The following C12orf42 variants were observed in gnomAD, a reference collection of about 807,000 sequenced individuals.
C12orf42 encodes the protein uncharacterized protein C12orf42.
A neutral mutation model predicts 21.6 loss-of-function variants in C12orf42; 25 were observed. The observed-to-expected ratio is 1.16, with a 90% confidence interval of 0.84 to 1.62. C12orf42 has a LOEUF of 1.62. C12orf42 is among the 40% of genes most tolerant of loss of function. The probability of loss-of-function intolerance (pLI) is 0.00; values close to 1 mark genes in which losing one functional copy is unlikely to be tolerated. For missense variants in C12orf42, 483 were observed against 459.3 expected (o/e 1.05, Z -0.47); for synonymous variants, 174 against 175.0 (o/e 0.99, Z 0.05).
chr12:103,145,966 G>C, the C12orf42 span, among the ~76,000 whole-genome samples: 2,029 of 151,998 alleles, frequency 0.013, 58 homozygotes, highest in African/African-American at 0.046. Flanking sequence ...GAGAGAGAGA[G>C]AGAAAGAGAG....
chr12:103,437,423 A>G (rs1231104683), intron 2 of C12orf42, among the ~76,000 whole-genome samples: 1 of 151,792 alleles, frequency 6.6e-6, no homozygotes, highest in Non-Finnish European at 1.5e-5. Flanking sequence ...ACTGAAGGAA[A>G]TAGAGACACA....
rs572732375 is a variant in C12orf42 at position 103,340,186 on chromosome 12, C to T, written c.259+28701G>A. On this transcript the variant is annotated intron_variant, in intron 4 of 5. Transcript: ENST00000548883. The stretch of plus-strand genomic sequence containing the variant: ...TTGGTGAAAAATACTAAGAGAAGAG[C>T]GCTAAAGAGAGTGAGTTCTCCAGGA... Among the ~76,000 whole-genome samples the T allele has an allele frequency of 7.9e-5, 12 of 152,256 alleles. No individual in the cohort carries two copies. In the South Asian group the frequency reaches 1.5e-3, roughly 18 times the overall value.
chr12:103,448,065 C>G (rs1951691010), intron 2 of C12orf42, among the ~76,000 whole-genome samples: 1 of 151,940 alleles, frequency 6.6e-6, no homozygotes, highest in South Asian at 2.1e-4. Flanking sequence ...CCACAGTCAC[C>G]AAAACAGCAT....
chr12:103,459,139 G>A (rs1473901319), intron 2 of C12orf42, among the ~76,000 whole-genome samples: 1 of 152,052 alleles, frequency 6.6e-6, no homozygotes, highest in Non-Finnish European at 1.5e-5. Flanking sequence ...CCATAAGAGG[G>A]ATCCCGTATT....
At chr12:103,300,367 T>G (rs1221562852), downstream of C12orf42, among the ~76,000 whole-genome samples, 7 of 152,194 alleles carry the variant, frequency 4.6e-5, no homozygotes, top group African/African-American at 1.7e-4. Flanking sequence ...ATCTATGGAC[T>G]CTCCATCTCA....
At chr12:103,548,054 A>C in the C12orf42 span, 73 of 152,204 alleles carry the variant, frequency 4.8e-4, no homozygotes, top group African/African-American at 1.7e-3. Flanking sequence ...AAATATGATG[A>C]AAAAAATAAG....
At chr12:103,238,921 C>T (rs1318588900) in intron 10 of C12orf42, among the ~76,000 whole-genome samples, 2 of 152,136 alleles carry the variant, frequency 1.3e-5, no homozygotes, top group Non-Finnish European at 2.9e-5. Flanking sequence ...AAGGGATTGA[C>T]CCTGGTACTG....
At chr12:103,108,153 A>G in the C12orf42 span, among the ~76,000 whole-genome samples, 1 of 151,464 alleles carries the variant, frequency 6.6e-6, no homozygotes, top group Non-Finnish European at 1.5e-5. Flanking sequence ...AAAGGAAAAA[A>G]TAAATAAATT....
At chr12:103,420,595 T>G (rs2049799098) in intron 2 of C12orf42, among the ~76,000 whole-genome samples, 1 of 152,142 alleles carries the variant, frequency 6.6e-6, no homozygotes, top group Non-Finnish European at 1.5e-5. Context: ...AATGTCACGA[T>G]CTCTGCTCAC....
intron 4 of C12orf42, among the ~76,000 whole-genome samples, chr12:103,351,485 A>AT (rs2043096340): frequency 6.6e-6 from 1 of 152,010 alleles, no homozygotes; most frequent in African/African-American, 2.4e-5. Context: ...TTTGGCTGAA[A>AT]TTTTTCTTTT....
chr12:103,227,954 T>G, the C12orf42 span, among the ~76,000 whole-genome samples: 1 of 152,122 alleles, frequency 6.6e-6, no homozygotes, highest in Non-Finnish European at 1.5e-5. Context: ...AAGAGGCCAC[T>G]TGCCTGATTT....
chr12:103,153,122 C>T, the C12orf42 span, among the ~76,000 whole-genome samples: 1 of 152,096 alleles, frequency 6.6e-6, no homozygotes, highest in Non-Finnish European at 1.5e-5. Flanking sequence ...AATAGCATTA[C>T]AGAAAAACAA....
At chr12:103,516,232 A>T in the C12orf42 span, among the ~76,000 whole-genome samples, 1 of 152,210 alleles carries the variant, frequency 6.6e-6, no homozygotes, top group Non-Finnish European at 1.5e-5. Context: ...TTTTTATCTT[A>T]ATTTAAAATG....
chr12:103,263,739 C>A (rs1423720349), downstream of C12orf42, among the ~76,000 whole-genome samples: 1 of 152,196 alleles, frequency 6.6e-6, no homozygotes, highest in Non-Finnish European at 1.5e-5. Flanking sequence ...TCTGGACTCT[C>A]ATATGTAACT....
At chr12:103,255,981 A>T (rs1214849598) in intron 10 of C12orf42, among the ~76,000 whole-genome samples, 4 of 135,446 alleles carry the variant, frequency 3.0e-5, no homozygotes, top group Non-Finnish European at 6.2e-5. Context: ...TGAACCCGGG[A>T]GGTGGAGCTT....
chr12:103,537,953 G>T, the C12orf42 span, among the ~76,000 whole-genome samples: 79 of 152,278 alleles, frequency 5.2e-4, no homozygotes, highest in African/African-American at 1.8e-3. Flanking sequence ...TTTGTAAAAA[G>T]AAAATTATGC....
At chr12:103,252,744 C>T (rs2034372433) in intron 10 of C12orf42, among the ~76,000 whole-genome samples, 1 of 151,824 alleles carries the variant, frequency 6.6e-6, no homozygotes, top group African/African-American at 2.4e-5. Context: ...TTCTACCCAA[C>T]AGGTAGGTTG....
intron 5 of C12orf42, among the ~76,000 whole-genome samples, chr12:103,302,823 TC>T (rs2037864033): frequency 6.6e-6 from 1 of 151,912 alleles, no homozygotes; most frequent in Non-Finnish European, 1.5e-5. Context: ...TGCATAATCC[TC>T]AGAAAACTTT....
the C12orf42 span, among the ~76,000 whole-genome samples, chr12:103,207,112 A>T: frequency 6.6e-6 from 1 of 152,328 alleles, no homozygotes; most frequent in East Asian, 1.9e-4. Flanking sequence ...TCAGTGCATG[A>T]TTTGTCATGT....
Sources: gnomAD v4.1 joint callset for allele counts (sites outside exome capture counted in the v4.1 genomes callset) on GRCh38, gnomAD v4.1.1 for gene constraint, MANE v1.5 for transcripts, NCBI Gene and HGNC (gene_info 2026-07-23, HGNC 2026-07-21) for gene names.